The following TMEM132B variants were observed in gnomAD, a reference collection of about 807,000 sequenced individuals.
The protein encoded by TMEM132B is transmembrane protein 132B.
In TMEM132B, 18 loss-of-function variants were observed where a neutral mutation model predicts 90.8. The ratio of observed to expected loss-of-function variants is 0.20; its 90% CI spans 0.14 to 0.29. The LOEUF (loss-of-function observed/expected upper bound fraction) is 0.29, where lower values mean the gene tolerates loss of function less well. Among genes scored for constraint, TMEM132B ranks in the 10% least tolerant of loss-of-function variants. TMEM132B has a pLI of 1.00. For synonymous variants in TMEM132B, 504 were observed against 523.3 expected, an observed-to-expected ratio of 0.96 and a Z score of 0.50; for missense variants, 1,096 against 1,326.8, an observed-to-expected ratio of 0.83 and a Z score of 2.70.
At chr12:125,220,756 G>A (rs910330876) in intron 1 of TMEM132B, among the ~76,000 whole-genome samples, 6 of 152,330 alleles carry the variant, frequency 3.9e-5, no homozygotes, top group Non-Finnish European at 8.8e-5. Flanking sequence ...TTCCCAGATC[G>A]TAGGAGCGTG....
At chr12:125,448,036 C>T (rs1028846092) in intron 3 of TMEM132B, among the ~76,000 whole-genome samples, 2 of 152,138 alleles carry the variant, frequency 1.3e-5, no homozygotes, top group African/African-American at 2.4e-5. Context: ...AAGGCCAAGG[C>T]ATGTGGGTCA....
At chr12:125,438,705 G>T (rs1191759924) in intron 3 of TMEM132B, among the ~76,000 whole-genome samples, 1 of 152,088 alleles carries the variant, frequency 6.6e-6, no homozygotes, top group Non-Finnish European at 1.5e-5. Context: ...CCATTATCCT[G>T]ATTTAGGTGT....
At chr12:125,333,865 A>G (rs1876871273) in intron 1 of TMEM132B, among the ~76,000 whole-genome samples, 1 of 152,092 alleles carries the variant, frequency 6.6e-6, no homozygotes, top group African/African-American at 2.4e-5. Context: ...TGCTTTTTTA[A>G]CCTCTGGCCT....
At chr12:125,436,400 G>A (rs1438506436) in intron 3 of TMEM132B, among the ~76,000 whole-genome samples, 4 of 152,134 alleles carry the variant, frequency 2.6e-5, no homozygotes, top group Non-Finnish European at 5.9e-5. Flanking sequence ...AGGCTTATTT[G>A]GAAACAGGCT....
intron 3 of TMEM132B, among the ~76,000 whole-genome samples, chr12:125,431,896 T>G (rs943526673): frequency 2.6e-5 from 4 of 152,160 alleles, no homozygotes; most frequent in Non-Finnish European, 4.4e-5. Flanking sequence ...TGGGGACTCT[T>G]GAGACCTGGA....
At chr12:125,207,194 G>A (rs1207559017) in intron 1 of TMEM132B, among the ~76,000 whole-genome samples, 6 of 152,194 alleles carry the variant, frequency 3.9e-5, no homozygotes, top group Admixed American at 6.5e-5. Context: ...TTGGCTTCTC[G>A]TTGAAACAGC....
chr12:125,238,858 C>T (rs1338391732), intron 1 of TMEM132B, among the ~76,000 whole-genome samples: 1 of 152,050 alleles, frequency 6.6e-6, no homozygotes, highest in African/African-American at 2.4e-5. Flanking sequence ...AGATGGTAGG[C>T]CTGAAGGAGA....
chr12:125,625,130 C>CTTTTTTTTTTTTTTTT (rs1169262449), intron 5 of TMEM132B, among the ~76,000 whole-genome samples: 2 of 103,906 alleles, frequency 1.9e-5, no homozygotes, highest in African/African-American at 3.9e-5. Flanking sequence ...GATTTGACTT[C>CTTTTTTTTTTTTTTTT]TTTTTTTTTT....
At chr12:125,312,658 C>T (rs1876150283) in intron 1 of TMEM132B, among the ~76,000 whole-genome samples, 1 of 152,156 alleles carries the variant, frequency 6.6e-6, no homozygotes, top group African/African-American at 2.4e-5. Context: ...GGTTGCATTC[C>T]ACTCAGGGAC....
intron 1 of TMEM132B, among the ~76,000 whole-genome samples, chr12:125,202,673 C>T (rs1873090230): frequency 6.6e-6 from 1 of 152,174 alleles, no homozygotes; most frequent in Non-Finnish European, 1.5e-5. Flanking sequence ...CAATGTTGAG[C>T]CATTCTATCA....
At chr12:125,291,480 G>A (rs1875538609) in intron 1 of TMEM132B, among the ~76,000 whole-genome samples, 1 of 152,208 alleles carries the variant, frequency 6.6e-6, no homozygotes, top group Non-Finnish European at 1.5e-5. Context: ...TGCTGGCTCT[G>A]AAGATGGAGG....
At chr12:125,333,652 C>T (rs1374195810) in intron 1 of TMEM132B, among the ~76,000 whole-genome samples, 1 of 152,098 alleles carries the variant, frequency 6.6e-6, no homozygotes, top group Non-Finnish European at 1.5e-5. Flanking sequence ...GATGCAGGTG[C>T]TAGCTAAAGA....
chr12:125,378,081 T>G (rs907562336), intron 2 of TMEM132B, among the ~76,000 whole-genome samples: 7 of 152,052 alleles, frequency 4.6e-5, no homozygotes, highest in African/African-American at 1.7e-4. Context: ...GGAGAAGGCA[T>G]TCTCACTCTG....
chr12:125,621,075 A>G (rs927723259), intron 5 of TMEM132B, among the ~76,000 whole-genome samples: 1 of 152,216 alleles, frequency 6.6e-6, no homozygotes, highest in African/African-American at 2.4e-5. Flanking sequence ...TAATCCATAA[A>G]TACATTTTGA....
intron 5 of TMEM132B, among the ~76,000 whole-genome samples, chr12:125,613,451 T>TAATA (rs999793979): frequency 2.6e-5 from 4 of 151,436 alleles, no homozygotes; most frequent in African/African-American, 4.8e-5. Context: ...ACATGAATGT[T>TAATA]ATTATTGCTA....
intron 1 of TMEM132B, among the ~76,000 whole-genome samples, chr12:125,289,305 T>C (rs1418663073): frequency 1.3e-5 from 2 of 152,248 alleles, no homozygotes; most frequent in Admixed American, 1.3e-4. Flanking sequence ...GAAGATAGAA[T>C]TGTTATTTCA....
chr12:125,510,063 A>G (rs190651562), intron 3 of TMEM132B, among the ~76,000 whole-genome samples: 1 of 152,222 alleles, frequency 6.6e-6, no homozygotes, highest in Non-Finnish European at 1.5e-5. Flanking sequence ...TTTCTGAGTC[A>G]TCATTTGCTA....
chr12:125,197,345 A>T (rs1017345046), intron 1 of TMEM132B, among the ~76,000 whole-genome samples: 1 of 152,172 alleles, frequency 6.6e-6, no homozygotes, highest in Non-Finnish European at 1.5e-5. Context: ...GGTCTGTGTC[A>T]ATCAAATTTT....
chr12:125,408,912 CTGAG>C lies in TMEM132B; in HGVS notation c.960-6617_960-6614del, dbSNP rs1879599086. Among the ~76,000 whole-genome samples, 1 of 152,146 alleles carries C rather than the reference CTGAG, an allele frequency of 6.6e-6. No individual in the cohort carries two copies. Among genetic ancestry groups the C allele is most frequent in the Non-Finnish European group, 1.5e-5 (1 of 68,030 alleles). On this transcript the variant is annotated intron_variant, in intron 2 of 8. Coordinates refer to ENST00000682704, the MANE Select transcript of TMEM132B (RefSeq NM_001366854.1). This position sits in a 1 kb window ranked among gnomAD's most constrained non-coding sequence, Gnocchi z 5.9. ...CTCTCTTTTCAGTTTAGCCATTCTG[CTGAG>C]TAAGTGTTTTGACTTTTGTACTGCA...
Sources: gnomAD v4.1 joint callset for allele counts (sites outside exome capture counted in the v4.1 genomes callset) on GRCh38, gnomAD v4.1.1 for gene constraint, Gnocchi (gnomAD v3.1) non-coding constraint, MANE v1.5 for transcripts, NCBI Gene and HGNC (gene_info 2026-07-23, HGNC 2026-07-21) for gene names.